LRP1B: variants seen among roughly 807,000 people sequenced by gnomAD.
LRP1B encodes the protein LDL receptor related protein 1B, also known as low-density lipoprotein receptor-related protein 1B.
LRP1B carries 217 observed loss-of-function variants against 556.6 expected under a neutral mutation model. The observed-to-expected ratio is 0.39, with a 90% confidence interval of 0.35 to 0.44. LRP1B has a LOEUF of 0.44. Among genes scored for constraint, LRP1B ranks in the 20% least tolerant of loss-of-function variants. The pLI is 1.00. For synonymous variants in LRP1B, 2,047 were observed against 1,865.8 expected, an observed-to-expected ratio of 1.10 and a Z score of -2.50; for missense variants, 5,053 against 5,620.8, an observed-to-expected ratio of 0.90 and a Z score of 3.23.
intron 32 of LRP1B, among the ~76,000 whole-genome samples, chr2:140,809,245 T>TA (rs1690833946): frequency 1.6e-4 from 24 of 151,930 alleles, no homozygotes; most frequent in East Asian, 3.9e-4. Context: ...TGGTATTTTT[T>TA]TAAAAAAAAA....
chr2:140,595,922 A>C lies in LRP1B; in HGVS notation c.7194+2709T>G, dbSNP rs183117142. On this transcript the variant is annotated intron_variant, in intron 43 of 90. Coordinates refer to ENST00000389484, the MANE Select transcript of LRP1B (RefSeq NM_018557.3). ...TTCATTCTAGTATTTATTTTGTAAA[A>C]TTATCTTTACTAATAATTACAGAAT... Among the ~76,000 whole-genome samples the C allele has an allele frequency of 1.5e-3, 225 of 152,294 alleles. 1 individual carries two copies. The highest frequency in any genetic ancestry group is 5.2e-3 in the African/African-American group (215 of 41,586).
intron 2 of LRP1B, among the ~76,000 whole-genome samples, chr2:141,658,368 T>C (rs1690092186): frequency 6.6e-6 from 1 of 152,278 alleles, no homozygotes; most frequent in Non-Finnish European, 1.5e-5. Context: ...ATTTACACAT[T>C]TCAGGGCTTG....
intron 2 of LRP1B, among the ~76,000 whole-genome samples, chr2:141,740,600 ACT>A (rs1693660033): frequency 6.6e-6 from 1 of 152,232 alleles, no homozygotes; most frequent in African/African-American, 2.4e-5. Flanking sequence ...GTCCAATTAT[ACT>A]CTTTCAGTTA....
chr2:140,682,687 TGTGTGTGTGTGC>T (rs1436791467), intron 41 of LRP1B, among the ~76,000 whole-genome samples: 3 of 151,440 alleles, frequency 2.0e-5, no homozygotes, highest in African/African-American at 7.3e-5. Flanking sequence ...TGTGTGTGTG[TGTGTGTGTGTGC>T]GTGCACCTTG....
intron 23 of LRP1B, among the ~76,000 whole-genome samples, chr2:140,900,044 G>A (rs1487078718): frequency 6.6e-6 from 1 of 152,054 alleles, no homozygotes; most frequent in South Asian, 2.1e-4. Context: ...ACTGGTCTTT[G>A]TTATAGGACA....
At chr2:140,619,643 C>T (rs1234304449) in intron 41 of LRP1B, among the ~76,000 whole-genome samples, 2 of 152,114 alleles carry the variant, frequency 1.3e-5, no homozygotes, top group Non-Finnish European at 2.9e-5. Context: ...TCCTTAACTG[C>T]TCTAGGTGTG....
intron 2 of LRP1B, among the ~76,000 whole-genome samples, chr2:141,585,827 A>C (rs1188867648): frequency 6.6e-6 from 1 of 151,888 alleles, no homozygotes; most frequent in Non-Finnish European, 1.5e-5. Context: ...AGCTCACTGC[A>C]GCTTAGAACT....
chr2:142,101,852 G>A (rs919319189), intron 1 of LRP1B, among the ~76,000 whole-genome samples: 2 of 151,860 alleles, frequency 1.3e-5, no homozygotes, highest in Admixed American at 1.3e-4. Context: ...AGGCTCTGAA[G>A]GCATTCCAAA....
chr2:140,498,107 T>C (rs896565315), intron 55 of LRP1B, among the ~76,000 whole-genome samples: 1 of 151,854 alleles, frequency 6.6e-6, no homozygotes, highest in Non-Finnish European at 1.5e-5. Context: ...CAAAGACATT[T>C]TATAGAAAAT....
chr2:140,243,987 A>G (rs1681056277), intron 87 of LRP1B, among the ~76,000 whole-genome samples: 1 of 151,140 alleles, frequency 6.6e-6, no homozygotes, highest in Admixed American at 6.6e-5. Context: ...CAATTACTTT[A>G]TACATTTGAA....
intron 5 of LRP1B, among the ~76,000 whole-genome samples, chr2:141,229,791 G>T (rs2105295515): frequency 6.6e-6 from 1 of 152,230 alleles, no homozygotes; most frequent in Admixed American, 6.5e-5. Flanking sequence ...AGTTTTGCAG[G>T]TTACCCTCAC....
At chr2:141,421,041 C>A (rs2104963173) in intron 3 of LRP1B, among the ~76,000 whole-genome samples, 1 of 152,252 alleles carries the variant, frequency 6.6e-6, no homozygotes, top group Admixed American at 6.5e-5. Context: ...CTGTTCTTGG[C>A]TTTGTGCTCT....
chr2:141,814,929 C>A (rs1436364640), intron 1 of LRP1B, among the ~76,000 whole-genome samples: 2 of 152,014 alleles, frequency 1.3e-5, no homozygotes, highest in African/African-American at 4.8e-5. Context: ...GCAGAGGAAA[C>A]AAAGTTCAGC....
intron 90 of LRP1B, among the ~76,000 whole-genome samples, chr2:140,234,276 T>C (rs1177291085): frequency 2.6e-5 from 4 of 151,314 alleles, no homozygotes; most frequent in Non-Finnish European, 4.4e-5. Context: ...AAATGAACTA[T>C]GTAACTTTAG....
chr2:141,013,631 T>G lies in LRP1B; in HGVS notation c.2305A>C (p.Ser769Arg). Residue 769 changes from serine to arginine, a missense_variant, in exon 14 of 91, where the codon AGT (serine) becomes CGT (arginine). This residue lies in a region of LRP1B where 3,619 missense variants were observed against 3,931.9 expected (regional missense o/e 0.92). Coordinates refer to ENST00000389484, the MANE Select transcript of LRP1B (RefSeq NM_018557.3). Reference protein sequence around the residue: ...GSIFQLDLITSEVTLLRHERP... With the variant: ...GSIFQLDLITREVTLLRHERP... ...TCATGCCTCAGCAATGTCACCTCACTTGTTATCAAATCTAGTTGAAAAATG... is the reference window on the plus strand; with the variant it reads ...TCATGCCTCAGCAATGTCACCTCACGTGTTATCAAATCTAGTTGAAAAATG... 1 of 1,612,692 alleles carries G rather than the reference T, an allele frequency of 6.2e-7. No homozygotes were observed. The highest frequency in any genetic ancestry group is 1.1e-5 in the South Asian group (1 of 90,990).
intron 41 of LRP1B, among the ~76,000 whole-genome samples, chr2:140,618,972 T>G (rs1683355048): frequency 6.6e-6 from 1 of 152,058 alleles, no homozygotes; most frequent in Non-Finnish European, 1.5e-5. Flanking sequence ...AATTCACATA[T>G]CCAAAATCTG....
At chr2:140,747,967 A>G (rs1410210673) in intron 35 of LRP1B, among the ~76,000 whole-genome samples, 1 of 151,128 alleles carries the variant, frequency 6.6e-6, no homozygotes, top group South Asian at 2.1e-4. Flanking sequence ...TTATTGTTCC[A>G]TGCCACTTAG....
chr2:141,416,770 C>T (rs1194262769), intron 3 of LRP1B, among the ~76,000 whole-genome samples: 6 of 152,214 alleles, frequency 3.9e-5, no homozygotes, highest in African/African-American at 1.4e-4. Flanking sequence ...ATCAGGAGTT[C>T]TTAAACAGTG....
At chr2:140,256,145 T>C (rs1052620499) in intron 86 of LRP1B, among the ~76,000 whole-genome samples, 2 of 152,128 alleles carry the variant, frequency 1.3e-5, no homozygotes, top group African/African-American at 4.8e-5. Flanking sequence ...TAAATGATTA[T>C]TTTAAATTTA....
Sources: gnomAD v4.1 joint callset for allele counts (sites outside exome capture counted in the v4.1 genomes callset) on GRCh38, gnomAD v4.1.1 for gene constraint, gnomAD v4.1.1 regional missense constraint, MANE v1.5 for transcripts, NCBI Gene and HGNC (gene_info 2026-07-23, HGNC 2026-07-21) for gene names.